The following ZFYVE1 variants were observed in gnomAD, a reference collection of about 807,000 sequenced individuals.
ZFYVE1 encodes the protein zinc finger FYVE domain-containing protein 1.
A neutral mutation model predicts 74.4 loss-of-function variants in ZFYVE1; 30 were observed. That is an observed-to-expected ratio of 0.40 (90% CI 0.30 to 0.55). The LOEUF is 0.55. ZFYVE1 is among the 20% of genes least tolerant of loss of function. The probability of loss-of-function intolerance (pLI) is 0.42; values close to 1 mark genes in which losing one functional copy is unlikely to be tolerated. For synonymous variants in ZFYVE1, 335 were observed against 385.1 expected, an observed-to-expected ratio of 0.87 and a Z score of 1.52; for missense variants, 703 against 1,011.6, an observed-to-expected ratio of 0.69 and a Z score of 4.14.
chr14:72,970,827 G>C lies in ZFYVE1; in HGVS notation c.*55C>G. On this transcript the variant is annotated 3_prime_UTR_variant, in exon 12 of 12. Transcript: ENST00000556143. ...GGAGGAGGGCCTACCTCGCAAGACT[G>C]TTTCTAACCCTGAGAACCTAAGGAA... 2 of 1,583,934 alleles carry C rather than the reference G, an allele frequency of 1.3e-6. No homozygotes were observed. The highest frequency in any genetic ancestry group is 4.5e-5 in the East Asian group (2 of 44,438).
intron 3 of ZFYVE1, among the ~76,000 whole-genome samples, chr14:72,996,348 G>C (rs1236595939): frequency 6.6e-6 from 1 of 152,158 alleles, no homozygotes; most frequent in African/African-American, 2.4e-5. Flanking sequence ...AAGGGAGTTA[G>C]AATGGAATTT....
At chr14:72,999,572 CAA>C (rs35637914) in intron 2 of ZFYVE1, among the ~76,000 whole-genome samples, 4,791 of 133,470 alleles carry the variant, frequency 0.036, 85 homozygotes, top group Middle Eastern at 0.076. Context: ...GACCTTGACT[CAA>C]AAAAAAAAAA....
intron 4 of ZFYVE1, among the ~76,000 whole-genome samples, chr14:72,987,608 A>G (rs1893512784): frequency 6.6e-6 from 1 of 152,234 alleles, no homozygotes; most frequent in South Asian, 2.1e-4. Flanking sequence ...TTCAACTATG[A>G]AATGGTTCTC....
At chr14:73,010,420 G>A (rs1894063895) in intron 2 of ZFYVE1, among the ~76,000 whole-genome samples, 1 of 152,136 alleles carries the variant, frequency 6.6e-6, no homozygotes, top group South Asian at 2.1e-4. Context: ...TGACCAACGT[G>A]GAGAAACCCC....
intron 4 of ZFYVE1, among the ~76,000 whole-genome samples, chr14:72,990,889 C>G (rs1449030321): frequency 6.6e-6 from 1 of 151,072 alleles, no homozygotes; most frequent in African/African-American, 2.4e-5. Flanking sequence ...TTAGTAGAGA[C>G]AGGTTTCACC....
chr14:73,018,329 G>A (rs903879332), intron 2 of ZFYVE1, among the ~76,000 whole-genome samples: 1 of 151,792 alleles, frequency 6.6e-6, no homozygotes, highest in African/African-American at 2.4e-5. Flanking sequence ...TACTTGGGAG[G>A]CGGAGGAAGG....
chr14:73,009,425 C>G (rs963138938), intron 2 of ZFYVE1, among the ~76,000 whole-genome samples: 1 of 152,216 alleles, frequency 6.6e-6, no homozygotes, highest in African/African-American at 2.4e-5. Context: ...CCAGAGTCAT[C>G]ACCATCAGCT....
rs1567366834 is a variant in ZFYVE1, at chr14:73,023,316, A to ATATATAATATATATTATATATGTTT, written c.483+685_483+709dup. Among the ~76,000 whole-genome samples, 11 of 73,004 alleles carry ATATATAATATATATTATATATGTTT rather than the reference A, an allele frequency of 1.5e-4. 1 individual carries two copies. Among genetic ancestry groups the ATATATAATATATATTATATATGTTT allele is most frequent in the African/African-American group, 5.5e-4 (9 of 16,512 alleles). The allele number at this position is 73,004 out of a possible 152,430, so 47.9% of individuals were successfully genotyped here. On this transcript the variant is annotated intron_variant, in intron 2 of 11. Coordinates refer to ENST00000556143, the MANE Select transcript of ZFYVE1 (RefSeq NM_021260.4). ...ATATAATATATATTATATATGTTTT[A>ATATATAATATATATTATATATGTTT]TATATAATATATATTATATATGTTT... is the stretch of plus-strand genomic sequence containing the variant.
Position 73,024,222 on chromosome 14 carries a change from T to G in ZFYVE1, c.287A>C (p.Lys96Thr). Reference sequence around the variant, plus strand: ...CTGGCACTCCAGGCACAAGTTAATTTTGCAGGTCTGGCACCTCACTATTGC... The same window carrying G: ...CTGGCACTCCAGGCACAAGTTAATTGTGCAGGTCTGGCACCTCACTATTGC... ...QRAIVRCQTC[K>T]INLCLECQKR... The change falls in exon 2 of 12, where the codon AAA becomes ACA. Residue 96 changes from lysine (K) to threonine (T), a missense_variant. This residue lies in a region of ZFYVE1 where 211 missense variants were observed against 221.7 expected (regional missense o/e 0.95). Transcript: ENST00000556143. 1 of 1,614,184 alleles carries G rather than the reference T, an allele frequency of 6.2e-7. No homozygotes were observed. Among genetic ancestry groups the G allele is most frequent in the Non-Finnish European group, 8.5e-7 (1 of 1,180,042 alleles).
At chr14:73,010,235 G>A (rs902801184) in intron 2 of ZFYVE1, among the ~76,000 whole-genome samples, 3 of 152,150 alleles carry the variant, frequency 2.0e-5, no homozygotes, top group African/African-American at 4.8e-5. Flanking sequence ...GAGGCCAGAG[G>A]TGGGAGGATC....
intron 11 of ZFYVE1, among the ~76,000 whole-genome samples, chr14:72,972,386 T>C (rs936601356): frequency 1.3e-5 from 2 of 152,240 alleles, no homozygotes; most frequent in Non-Finnish European, 2.9e-5. Flanking sequence ...CAGCAGGCTA[T>C]GCTCTGCCTT....
chr14:72,972,551 C>G (rs2140339853), intron 11 of ZFYVE1, among the ~76,000 whole-genome samples: 1 of 152,336 alleles, frequency 6.6e-6, no homozygotes, highest in African/African-American at 2.4e-5. Flanking sequence ...CATCACTACT[C>G]ACTTTTGCTC....
intron 3 of ZFYVE1, among the ~76,000 whole-genome samples, chr14:72,996,268 T>C (rs1567354749): frequency 6.6e-6 from 1 of 152,148 alleles, no homozygotes; most frequent in Non-Finnish European, 1.5e-5. Context: ...CAAGCAGAAG[T>C]ATACATGATC....
rs536009143 is a variant in ZFYVE1, at chr14:72,998,002, C to T, written c.797G>A (p.Arg266Gln). Residue 266 changes from arginine (R) to glutamine (Q), a missense_variant, in exon 3 of 12, where the codon CGA becomes CAA. Arg to Gln is a conservative substitution (Grantham distance 43). Coordinates refer to ENST00000556143, the MANE Select transcript of ZFYVE1 (RefSeq NM_021260.4). Reference sequence around the variant, plus strand: ...GTTATGCAGCCGGTCTGCATGAGTTCGATAGATGACGAGGTCTGAGATGGC... The same window carrying T: ...GTTATGCAGCCGGTCTGCATGAGTTTGATAGATGACGAGGTCTGAGATGGC... ...VLAISDLVIY[R>Q]THADRLHNDL... The T allele has an allele frequency of 1.9e-6, 3 of 1,613,962 alleles. No homozygotes were observed. Among genetic ancestry groups the T allele is most frequent in the Admixed American group, 3.3e-5 (2 of 59,986 alleles).
chr14:72,995,241 C>T (rs1250621055), intron 3 of ZFYVE1, among the ~76,000 whole-genome samples: 1 of 152,034 alleles, frequency 6.6e-6, no homozygotes, highest in Non-Finnish European at 1.5e-5. Context: ...ATTACAGGTG[C>T]CCACCACCAT....
rs1291980702 is a variant in ZFYVE1 at position 72,970,148 on chromosome 14, T to C, written c.*734A>G. Reference sequence around the variant, plus strand: ...GGAGAAGGCTCAGTTCCTTCCTTGCTGTTCCCTGGGGGACCAGGGACAGCA... The same window carrying C: ...GGAGAAGGCTCAGTTCCTTCCTTGCCGTTCCCTGGGGGACCAGGGACAGCA... On this transcript the variant is annotated 3_prime_UTR_variant, in exon 12 of 12. Transcript: ENST00000556143. 2 of 206,730 alleles carry C rather than the reference T, an allele frequency of 9.7e-6. No homozygotes were observed. The highest frequency in any genetic ancestry group is 1.3e-4 in the East Asian group (1 of 7,550). The allele number at this position is 206,730 out of a possible 1,614,324, so 12.8% of individuals were successfully genotyped here.
intron 4 of ZFYVE1, among the ~76,000 whole-genome samples, chr14:72,985,174 G>C (rs1337301369): frequency 6.6e-6 from 1 of 152,144 alleles, no homozygotes; most frequent in Non-Finnish European, 1.5e-5. Context: ...CTTTTTTATT[G>C]AGACAGAGTC....
At chr14:72,982,847 C>CTT (rs202123032) in intron 4 of ZFYVE1, among the ~76,000 whole-genome samples, 1 of 146,716 alleles carries the variant, frequency 6.8e-6, no homozygotes, top group Non-Finnish European at 1.5e-5. Flanking sequence ...ACAATTAGAA[C>CTT]TTTTTTTTTT....
chr14:72,993,999 G>A lies in ZFYVE1; in HGVS notation c.989-642C>T, dbSNP rs557088200. Reference sequence around the variant, plus strand: ...CACTGCACTCCAGCCTGGCGACAGAGAGAGATTCCGTCTCAAAAAAAAAAA... The same window carrying A: ...CACTGCACTCCAGCCTGGCGACAGAAAGAGATTCCGTCTCAAAAAAAAAAA... On this transcript the variant is annotated intron_variant, in intron 3 of 11. Coordinates refer to ENST00000556143, the MANE Select transcript of ZFYVE1 (RefSeq NM_021260.4). Among the ~76,000 whole-genome samples the A allele has an allele frequency of 9.6e-5, 12 of 124,478 alleles. No individual in the cohort carries two copies. In the South Asian group the frequency reaches 3.1e-3, roughly 33 times the overall value. 81.7% of individuals were successfully genotyped at this position (124,478 alleles called of 152,430 possible).
Sources: gnomAD v4.1 joint callset for allele counts (sites outside exome capture counted in the v4.1 genomes callset) on GRCh38, gnomAD v4.1.1 for gene constraint, gnomAD v4.1.1 regional missense constraint, MANE v1.5 for transcripts, NCBI Gene and HGNC (gene_info 2026-07-23, HGNC 2026-07-21) for gene names.